Variants in ERC1 observed in about 807,000 individuals in gnomAD.
The protein encoded by ERC1 is ELKS/RAB6-interacting/CAST family member 1.
ERC1 carries 56 observed loss-of-function variants against 132.0 expected under a neutral mutation model. The ratio of observed to expected loss-of-function variants is 0.42; its 90% CI spans 0.34 to 0.53. The LOEUF is 0.53. ERC1 is among the 20% of genes least tolerant of loss of function. ERC1 has a pLI of 0.03. For missense variants in ERC1, 1,202 were observed against 1,349.9 expected, an observed-to-expected ratio of 0.89 and a Z score of 1.72; for synonymous variants, 478 against 476.1, an observed-to-expected ratio of 1.00 and a Z score of -0.05.
At chr12:1,043,592 G>A (rs1008516762) in intron 2 of ERC1, among the ~76,000 whole-genome samples, 3 of 152,040 alleles carry the variant, frequency 2.0e-5, no homozygotes, top group East Asian at 3.9e-4. Flanking sequence ...GCTTAGGACA[G>A]GTCTGCATAC....
rs549084999 is a variant in ERC1 at position 1,452,282 on chromosome 12, A to G, written c.3213+7532A>G. On this transcript the variant is annotated intron_variant, in intron 18 of 18. Coordinates refer to ENST00000360905, the MANE Select transcript of ERC1 (RefSeq NM_178040.4). ...GTTTCTGTTGAGGTCTGCTATATTC[A>G]TGTAGCTTTGTTTTGGGGTGAGTGG... Among the ~76,000 whole-genome samples the G allele has an allele frequency of 4.6e-5, 7 of 151,816 alleles. No homozygotes were observed. In the South Asian group the frequency reaches 1.5e-3, roughly 32 times the overall value.
At chr12:1,125,000 C>CT (rs555788794) in intron 7 of ERC1, among the ~76,000 whole-genome samples, 149 of 145,736 alleles carry the variant, frequency 1.0e-3, no homozygotes, top group South Asian at 8.9e-3. Context: ...TATTTTCTTT[C>CT]TTTTTTTTTT....
intron 12 of ERC1, among the ~76,000 whole-genome samples, chr12:1,235,625 T>G (rs1041084765): frequency 6.6e-6 from 1 of 152,198 alleles, no homozygotes; most frequent in Non-Finnish European, 1.5e-5. Flanking sequence ...ATTGTAAAAC[T>G]ATAATGAGGT....
rs1472211885 is a variant in ERC1 at position 1,492,926 on chromosome 12, T to G, written c.*2696T>G. On this transcript the variant is annotated 3_prime_UTR_variant, in exon 19 of 19. Transcript: ENST00000360905. ...TTTCATATGGGCATACAACTGCTAC[T>G]GAAGTTATATAGCCTTGAAAACTCA... 4.4e-6 allele frequency: 1 copy of G among 228,160 alleles called. No individual in the cohort carries two copies. Among genetic ancestry groups the G allele is most frequent in the Admixed American group, 5.7e-5 (1 of 17,616 alleles). 14.1% of individuals were successfully genotyped at this position (228,160 alleles called of 1,614,324 possible). A position where few individuals can be genotyped will look rare whatever the true frequency, so the allele number is the denominator to read the frequency against.
intron 13 of ERC1, among the ~76,000 whole-genome samples, chr12:1,251,029 A>G (rs891626531): frequency 6.6e-6 from 1 of 152,186 alleles, no homozygotes; most frequent in Non-Finnish European, 1.5e-5. Flanking sequence ...TTCTCTTCTT[A>G]GATATATAGT....
chr12:1,168,968 C>G (rs1593909145), intron 8 of ERC1, among the ~76,000 whole-genome samples: 1 of 152,212 alleles, frequency 6.6e-6, no homozygotes, highest in East Asian at 1.9e-4. Context: ...TATCCATGAA[C>G]TTCTGATTAA....
At chr12:1,067,664 G>A (rs1939471475) in intron 2 of ERC1, among the ~76,000 whole-genome samples, 2 of 152,140 alleles carry the variant, frequency 1.3e-5, no homozygotes, top group South Asian at 4.2e-4. Context: ...TCAAAATAGA[G>A]CTGAAAGGAT....
chr12:1,122,581 C>A lies in ERC1; in HGVS notation c.1569+6548C>A, dbSNP rs527687642. ...TCTATCTCTATCTGTGTCTCTATCTCTATCTCTATCTCTATCTGTGTCTCT... is the reference window on the plus strand; with the variant it reads ...TCTATCTCTATCTGTGTCTCTATCTATATCTCTATCTCTATCTGTGTCTCT... On this transcript the variant is annotated intron_variant, in intron 7 of 18. Coordinates refer to ENST00000360905, the MANE Select transcript of ERC1 (RefSeq NM_178040.4). 9.2e-4 allele frequency among the ~76,000 whole-genome samples: 10 copies of A among 10,924 alleles called. 1 individual carries two copies. The highest frequency in any genetic ancestry group is 1.2e-3 in the African/African-American group (6 of 5,214). 7.2% of individuals were successfully genotyped at this position (10,924 alleles called of 152,430 possible). A position where few individuals can be genotyped will look rare whatever the true frequency, so the allele number is the denominator to read the frequency against.
chr12:1,352,287 A>C (rs1382927057), intron 15 of ERC1, among the ~76,000 whole-genome samples: 1 of 152,168 alleles, frequency 6.6e-6, no homozygotes, highest in Non-Finnish European at 1.5e-5. Flanking sequence ...CATTTAATAA[A>C]TGTGTGCTGA....
intron 8 of ERC1, among the ~76,000 whole-genome samples, chr12:1,168,661 A>G (rs928557350): frequency 6.0e-5 from 9 of 151,076 alleles, no homozygotes; most frequent in Non-Finnish European, 8.8e-5. Flanking sequence ...ATTTTTTTGT[A>G]TTTTTAGTAG....
chr12:1,318,240 G>T (rs994039391), intron 15 of ERC1, among the ~76,000 whole-genome samples: 38 of 152,282 alleles, frequency 2.5e-4, no homozygotes, highest in African/African-American at 8.7e-4. Context: ...GCTGCATCAT[G>T]ATGTGACTTG....
intron 18 of ERC1, among the ~76,000 whole-genome samples, chr12:1,481,275 G>C (rs898522973): frequency 1.3e-5 from 2 of 152,238 alleles, no homozygotes; most frequent in Non-Finnish European, 2.9e-5. Context: ...ATTTCAGGTT[G>C]TGCTTTCGCA....
intron 15 of ERC1, among the ~76,000 whole-genome samples, chr12:1,362,430 C>G (rs2086218164): frequency 6.6e-6 from 1 of 151,110 alleles, no homozygotes; most frequent in African/African-American, 2.5e-5. Flanking sequence ...ATCTTCAGAG[C>G]TCTGTCTCTC....
rs1021381933 is a variant in ERC1, at chr12:991,251, G to A, written c.-228G>A. On this transcript the variant is annotated 5_prime_UTR_variant, in exon 1 of 19. Coordinates refer to ENST00000360905, the MANE Select transcript of ERC1 (RefSeq NM_178040.4). The stretch of plus-strand genomic sequence containing the variant: ...GGCGCCTGGGCCGTGCTGTGGCGGC[G>A]GCGGCGGCGGTAGTGGCGGCGGCGG... 2.3e-4 allele frequency: 39 copies of A among 166,242 alleles called. No homozygotes were observed. Among genetic ancestry groups the A allele is most frequent in the Non-Finnish European group, 4.0e-4 (32 of 80,930 alleles). The allele number at this position is 166,242 out of a possible 1,614,324, so 10.3% of individuals were successfully genotyped here. A position where few individuals can be genotyped will look rare whatever the true frequency, so the allele number is the denominator to read the frequency against.
chr12:1,039,707 A>G (rs909262435), intron 2 of ERC1, among the ~76,000 whole-genome samples: 1 of 152,218 alleles, frequency 6.6e-6, no homozygotes, highest in Non-Finnish European at 1.5e-5. Flanking sequence ...ATTTGAATAA[A>G]AGTTTTTCAT....
In ERC1 at chr12:1,262,075, G is replaced by T. The variant is rs564392598; in HGVS notation, c.2488-959G>T. Among the ~76,000 whole-genome samples the T allele has an allele frequency of 7.2e-5, 11 of 152,252 alleles. No individual in the cohort carries two copies. The South Asian group carries it at 2.1e-3, about 29-fold the overall frequency. On this transcript the variant is annotated intron_variant, in intron 13 of 18. Transcript: ENST00000360905. ...TCTTAGATAAAATAAAAAATTCTTG[G>T]ATATCTTTTCCTGATATGAGTACTC...
At chr12:1,444,948 G>A (rs2093263565) in intron 18 of ERC1, 198 bp downstream of exon 18, 1 of 411,180 alleles carries the variant, frequency 2.4e-6, no homozygotes, top group African/African-American at 2.1e-5. Context: ...TTCAAGATTT[G>A]GGGGGTGGGG....
At chr12:1,393,626 G>C (rs796370458) in intron 16 of ERC1, among the ~76,000 whole-genome samples, 14 of 150,826 alleles carry the variant, frequency 9.3e-5, no homozygotes, top group African/African-American at 3.2e-4. Context: ...GTGTGTGTGT[G>C]TGTGTGTGTG....
chr12:1,185,408 C>T (rs1310702646), intron 11 of ERC1, among the ~76,000 whole-genome samples: 1 of 150,354 alleles, frequency 6.7e-6, no homozygotes, highest in Non-Finnish European at 1.5e-5. Context: ...TTTCTATACT[C>T]TGATTTTTTT....
Sources: allele counts gnomAD v4.1 joint callset (sites outside exome capture counted in the v4.1 genomes callset), GRCh38; gene constraint gnomAD v4.1.1; transcripts MANE v1.5; gene names NCBI Gene and HGNC (gene_info 2026-07-23, HGNC 2026-07-21).